The following ARHGAP26 variants were observed in gnomAD, a reference collection of about 807,000 sequenced individuals.
The protein encoded by ARHGAP26 is rho GTPase-activating protein 26.
ARHGAP26 carries 38 observed loss-of-function variants against 104.8 expected under a neutral mutation model. That is an observed-to-expected ratio of 0.36 (90% CI 0.28 to 0.48). The LOEUF (loss-of-function observed/expected upper bound fraction) is 0.48, where lower values mean the gene tolerates loss of function less well. Among genes scored for constraint, ARHGAP26 ranks in the 20% least tolerant of loss-of-function variants. ARHGAP26 has a pLI of 0.99. For synonymous variants in ARHGAP26, 341 were observed against 340.0 expected (o/e 1.00, Z -0.03); for missense variants, 704 against 947.9 (o/e 0.74, Z 3.38).
intron 11 of ARHGAP26, among the ~76,000 whole-genome samples, chr5:142,933,596 T>G (rs1431564901): frequency 6.6e-6 from 1 of 152,174 alleles, no homozygotes; most frequent in Admixed American, 6.5e-5. Context: ...CTTCCCACAT[T>G]GCTCCAGTCA....
chr5:142,982,098 A>T (rs1285675079), intron 11 of ARHGAP26, among the ~76,000 whole-genome samples: 1 of 152,208 alleles, frequency 6.6e-6, no homozygotes, highest in Admixed American at 6.5e-5. Context: ...AAGCCCTGTG[A>T]CCAAATGTTT....
intron 17 of ARHGAP26, among the ~76,000 whole-genome samples, chr5:143,113,551 A>G (rs1221479051): frequency 3.3e-5 from 5 of 151,772 alleles, no homozygotes; most frequent in Non-Finnish European, 7.4e-5. Flanking sequence ...TACAGGGCTC[A>G]CTCTTTCATT....
intron 11 of ARHGAP26, among the ~76,000 whole-genome samples, chr5:142,966,877 C>T (rs73796681): frequency 6.6e-6 from 1 of 152,148 alleles, no homozygotes; most frequent in Non-Finnish European, 1.5e-5. Flanking sequence ...TATGACAACC[C>T]TCTGAATGCT....
At chr5:143,039,932 A>G (rs765453300) in intron 13 of ARHGAP26, among the ~76,000 whole-genome samples, 3 of 152,252 alleles carry the variant, frequency 2.0e-5, no homozygotes, top group Admixed American at 2.0e-4. Flanking sequence ...AAATAAGGAC[A>G]GTATGAGTTA....
intron 17 of ARHGAP26, among the ~76,000 whole-genome samples, chr5:143,093,320 AGGAAGGCTACT>A (rs1791739838): frequency 6.6e-6 from 1 of 152,118 alleles, no homozygotes; most frequent in South Asian, 2.1e-4. Flanking sequence ...GATTTTTGAT[AGGAAGGCTACT>A]GGTTGTCAGT....
At chr5:143,095,265 A>G (rs1027652149) in intron 17 of ARHGAP26, among the ~76,000 whole-genome samples, 1 of 152,022 alleles carries the variant, frequency 6.6e-6, no homozygotes, top group African/African-American at 2.4e-5. Flanking sequence ...ATACAATTCA[A>G]TGGGATTTAG....
chr5:142,932,584 T>C (rs1598295397), intron 11 of ARHGAP26, among the ~76,000 whole-genome samples: 1 of 152,358 alleles, frequency 6.6e-6, no homozygotes, highest in Admixed American at 6.5e-5. Flanking sequence ...CTGGAATCAC[T>C]GTAGTCGTCT....
At chr5:143,035,867 C>T (rs1230840929) in intron 12 of ARHGAP26, among the ~76,000 whole-genome samples, 2 of 141,044 alleles carry the variant, frequency 1.4e-5, no homozygotes, top group African/African-American at 5.3e-5. Context: ...ACCCAGGAGG[C>T]GAAGGTTGCA....
rs200386668 is a variant in ARHGAP26 at position 142,948,651 on chromosome 5, C to CT, written c.1107+16538dup. ...GACAATTCCTATACTTTCCTTAGCT[C>CT]TTTTTTTTTTTTAAGAACATTAAAA... On this transcript the variant is annotated intron_variant, in intron 11 of 22. Coordinates refer to ENST00000645722, the MANE Select transcript of ARHGAP26 (RefSeq NM_001135608.3). 3.8e-3 allele frequency among the ~76,000 whole-genome samples: 540 copies of CT among 140,882 alleles called. 9 individuals are homozygous for CT. In the East Asian group the frequency reaches 0.043, roughly 11 times the overall value. 92.4% of individuals were successfully genotyped at this position (140,882 alleles called of 152,430 possible).
chr5:142,851,420 C>T lies in ARHGAP26; in HGVS notation c.155-21980C>T, dbSNP rs79662482. Among the ~76,000 whole-genome samples, 1,092 of 152,282 alleles carry T rather than the reference C, an allele frequency of 7.2e-3. 6 individuals are homozygous for T. The highest frequency in any genetic ancestry group is 0.012 in the Non-Finnish European group (845 of 68,012). On this transcript the variant is annotated intron_variant, in intron 1 of 22. Coordinates refer to ENST00000645722, the MANE Select transcript of ARHGAP26 (RefSeq NM_001135608.3). ...CCGGAAAATACATTTTTGACATTAG[C>T]TAAGATAACATCAGGCATTAGCTTG...
chr5:142,865,270 A>G (rs2152324078), intron 1 of ARHGAP26, among the ~76,000 whole-genome samples: 1 of 152,226 alleles, frequency 6.6e-6, no homozygotes, highest in Middle Eastern at 3.4e-3. Flanking sequence ...TTTATTAAGC[A>G]CCTACTATGT....
At chr5:143,045,635 C>T (rs1399221669) in intron 14 of ARHGAP26, among the ~76,000 whole-genome samples, 2 of 152,188 alleles carry the variant, frequency 1.3e-5, no homozygotes, top group African/African-American at 2.4e-5. Flanking sequence ...TATTATGTGC[C>T]AGGTACTGTG....
At position 142,770,740 on chromosome 5, in the gene ARHGAP26, C is replaced by T; in HGVS notation, c.-22C>T. The T allele has an allele frequency of 7.6e-7, 1 of 1,313,694 alleles. No homozygotes were observed. The highest frequency in any genetic ancestry group is 9.8e-7 in the Non-Finnish European group (1 of 1,018,660). The allele number at this position is 1,313,694 out of a possible 1,614,324, so 81.4% of individuals were successfully genotyped here. A position where few individuals can be genotyped will look rare whatever the true frequency, so the allele number is the denominator to read the frequency against. ...CCGGGCCCCGGCGGAGGCGCGCCCC[C>T]CGGCTGGGCGCCGCGCGCACCATGG... On this transcript the variant is annotated 5_prime_UTR_variant, in exon 1 of 23. Coordinates refer to ENST00000645722, the MANE Select transcript of ARHGAP26 (RefSeq NM_001135608.3).
intron 11 of ARHGAP26, among the ~76,000 whole-genome samples, chr5:142,970,948 T>C (rs1284047469): frequency 1.3e-5 from 2 of 152,210 alleles, no homozygotes; most frequent in African/African-American, 2.4e-5. Context: ...GATTCTTTCA[T>C]ATGAAACTTT....
intron 17 of ARHGAP26, among the ~76,000 whole-genome samples, chr5:143,097,381 AAAG>A (rs1404495404): frequency 2.0e-5 from 3 of 151,176 alleles, no homozygotes; most frequent in Non-Finnish European, 3.0e-5. Context: ...AAAAAAAAAA[AAAG>A]AGCATATCTG....
intron 22 of ARHGAP26, chr5:143,216,527 A>G (rs970886616): frequency 1.2e-5 from 4 of 322,190 alleles, no homozygotes; most frequent in Admixed American, 1.2e-4. Context: ...CTGCCCGTCA[A>G]ATCCAACCTG....
At chr5:142,885,486 T>A in intron 5 of ARHGAP26, 87 bp downstream of exon 5, 1 of 1,252,386 alleles carries the variant, frequency 8.0e-7, no homozygotes, top group Non-Finnish European at 1.1e-6. Context: ...TGCTAGAAAA[T>A]CTTAGGGTTA....
chr5:143,057,583 A>T, intron 16 of ARHGAP26, 59 bp from the exon 17 acceptor site: 1 of 1,426,992 alleles, frequency 7.0e-7, no homozygotes, highest in Non-Finnish European at 9.8e-7. Context: ...TAATTTTTCA[A>T]CCTTAAAGTT....
intron 1 of ARHGAP26, among the ~76,000 whole-genome samples, chr5:142,852,762 A>G (rs1183609644): frequency 2.6e-5 from 4 of 152,228 alleles, no homozygotes; most frequent in Non-Finnish European, 4.4e-5. Context: ...TCATGATAAC[A>G]TGATCTCACT....
Sources: allele counts gnomAD v4.1 joint callset (sites outside exome capture counted in the v4.1 genomes callset), GRCh38; gene constraint gnomAD v4.1.1; transcripts MANE v1.5; gene names NCBI Gene and HGNC (gene_info 2026-07-23, HGNC 2026-07-21).